The following PRDM16 variants were observed in gnomAD, a reference collection of about 807,000 sequenced individuals.
PRDM16 encodes the protein PR/SET domain 16.
A neutral mutation model predicts 110.6 loss-of-function variants in PRDM16; 23 were observed. The ratio of observed to expected loss-of-function variants is 0.21; its 90% CI spans 0.15 to 0.29. PRDM16 has a LOEUF of 0.29. Ranked by LOEUF, PRDM16 falls within the 10% of genes least tolerant of loss-of-function variation. PRDM16 has a pLI of 1.00. For missense variants in PRDM16, 1,615 were observed against 1,794.3 expected (o/e 0.90, Z 1.81); for synonymous variants, 799 against 781.8 (o/e 1.02, Z -0.37).
chr1:3,311,758 C>T (rs1641465880), intron 3 of PRDM16, among the ~76,000 whole-genome samples: 1 of 152,196 alleles, frequency 6.6e-6, no homozygotes, highest in Non-Finnish European at 1.5e-5. Context: ...CCATCTGCCT[C>T]CTTCCCCAAG....
At chr1:3,360,254 G>A (rs1557632284) in intron 3 of PRDM16, among the ~76,000 whole-genome samples, 1 of 152,202 alleles carries the variant, frequency 6.6e-6, no homozygotes, top group Non-Finnish European at 1.5e-5. Flanking sequence ...GTCCCCTCTA[G>A]AAGCAGCGGA....
chr1:3,246,142 C>T lies in PRDM16; in HGVS notation c.438+2005C>T, dbSNP rs141449791. On this transcript the variant is annotated intron_variant, in intron 3 of 16. Transcript: ENST00000270722. This position sits in a 1 kb window ranked among gnomAD's most constrained non-coding sequence, Gnocchi z 5.2. ...TAGGACAGAAGGAGGGTGAAGTGGG[C>T]GCCGCCTTCTGTGCCTCTGGGCCAC... is the stretch of plus-strand genomic sequence containing the variant. Among the ~76,000 whole-genome samples the T allele has an allele frequency of 1.3e-4, 20 of 152,236 alleles. No homozygotes were observed. In the East Asian group the frequency reaches 3.7e-3, roughly 28 times the overall value.
At chr1:3,179,287 G>A (rs903085083) in intron 1 of PRDM16, among the ~76,000 whole-genome samples, 3 of 152,260 alleles carry the variant, frequency 2.0e-5, no homozygotes, top group Admixed American at 6.5e-5. Context: ...CAGAGCGCTT[G>A]TGCCCCAGGG....
At chr1:3,301,036 C>A (rs907743554) in intron 3 of PRDM16, among the ~76,000 whole-genome samples, 1 of 152,136 alleles carries the variant, frequency 6.6e-6, no homozygotes, top group African/African-American at 2.4e-5. Flanking sequence ...AAGTGAGGTT[C>A]AAGAAATGTT....
chr1:3,279,728 G>C (rs1239767360), intron 3 of PRDM16, among the ~76,000 whole-genome samples: 1 of 152,174 alleles, frequency 6.6e-6, no homozygotes, highest in Non-Finnish European at 1.5e-5. Context: ...GAGGAAGGAA[G>C]GCAGGACAAA....
intron 14 of PRDM16, among the ~76,000 whole-genome samples, chr1:3,430,330 A>G (rs1638731336): frequency 6.6e-6 from 1 of 152,146 alleles, no homozygotes; most frequent in Admixed American, 6.5e-5. Flanking sequence ...GAGTCCCCCC[A>G]CAGGCTCCGA....
chr1:3,126,648 C>T (rs537061791), intron 1 of PRDM16, among the ~76,000 whole-genome samples: 2 of 152,286 alleles, frequency 1.3e-5, no homozygotes, highest in South Asian at 4.1e-4. Flanking sequence ...GAGCCTCCAG[C>T]CCTGGGCTCT....
At chr1:3,355,684 CCT>C (rs1446157430) in intron 3 of PRDM16, among the ~76,000 whole-genome samples, 1 of 152,194 alleles carries the variant, frequency 6.6e-6, no homozygotes, top group Non-Finnish European at 1.5e-5. Context: ...ACCCTCAGCA[CCT>C]CTCAGACCAC....
intron 3 of PRDM16, among the ~76,000 whole-genome samples, chr1:3,267,405 C>A (rs974016939): frequency 4.6e-5 from 7 of 152,318 alleles, no homozygotes; most frequent in South Asian, 4.2e-4. Flanking sequence ...CCTTTTCTAT[C>A]CACTCGTCCC....
chr1:3,264,472 G>T (rs780478706), intron 3 of PRDM16, among the ~76,000 whole-genome samples: 1 of 145,324 alleles, frequency 6.9e-6, no homozygotes, highest in Admixed American at 6.9e-5. Flanking sequence ...AGCATCCGAG[G>T]ACCCTAGGCC....
At position 3,244,287 on chromosome 1, in the gene PRDM16, C is replaced by T. The variant is rs901601915; in HGVS notation, c.438+150C>T. 83 of 733,506 alleles carry T rather than the reference C, an allele frequency of 1.1e-4. No individual in the cohort carries two copies. Among genetic ancestry groups the T allele is most frequent in the African/African-American group, 1.1e-3 (62 of 57,700 alleles). The allele number at this position is 733,506 out of a possible 1,614,324, so 45.4% of individuals were successfully genotyped here. ...GAGCAATGTGTTATCTGTGGACTGA[C>T]GTGTGCACAGGACGGTGGCTTTGCT... On this transcript the variant is annotated intron_variant, in intron 3 of 16. Transcript: ENST00000270722. The surrounding 1 kb of genome is among the most constrained non-coding windows in gnomAD (Gnocchi z 4.1).
At chr1:3,230,986 C>T (rs570253109) in intron 2 of PRDM16, among the ~76,000 whole-genome samples, 71 of 152,250 alleles carry the variant, frequency 4.7e-4, no homozygotes, top group African/African-American at 1.3e-3. Flanking sequence ...GGCTCGTCCC[C>T]GCCTCTCTGC....
intron 1 of PRDM16, among the ~76,000 whole-genome samples, chr1:3,096,733 TG>T (rs1315155248): frequency 6.6e-6 from 1 of 152,028 alleles, no homozygotes; most frequent in African/African-American, 2.4e-5. Flanking sequence ...GGGTGGATGG[TG>T]AGTGGGCCCT....
chr1:3,417,839 A>G lies in PRDM16; in HGVS notation c.2703A>G (p.Ile901Met). 6.2e-7 allele frequency: 1 copy of G among 1,613,650 alleles called. No individual in the cohort carries two copies. Among genetic ancestry groups the G allele is most frequent in the South Asian group, 1.1e-5 (1 of 91,054 alleles). Reference protein sequence around the residue: ...PLLFHPQMSAIETMTEKLESF... With the variant: ...PLLFHPQMSAMETMTEKLESF... ...TCTTATGCCTACAGATGTCAGCCATAGAGACCATGACAGAGAAGCTGGAGA... is the reference window on the plus strand; with the variant it reads ...TCTTATGCCTACAGATGTCAGCCATGGAGACCATGACAGAGAAGCTGGAGA... Residue 901 changes from isoleucine to methionine, a missense_variant, in exon 11 of 17, where the codon ATA (isoleucine) becomes ATG (methionine). Coordinates refer to ENST00000270722, the MANE Select transcript of PRDM16 (RefSeq NM_022114.4).
intron 3 of PRDM16, among the ~76,000 whole-genome samples, chr1:3,262,641 G>T (rs1640187693): frequency 6.6e-6 from 1 of 152,200 alleles, no homozygotes; most frequent in South Asian, 2.1e-4. Flanking sequence ...GGGAAGGGGT[G>T]CAGCTTGAAA....
intron 3 of PRDM16, among the ~76,000 whole-genome samples, chr1:3,313,631 CG>C (rs1641520087): frequency 6.6e-6 from 1 of 152,360 alleles, no homozygotes; most frequent in Admixed American, 6.5e-5. Context: ...CGAGGCCGTG[CG>C]GACCCCGCTC....
chr1:3,258,228 G>A (rs1371333981), intron 3 of PRDM16, among the ~76,000 whole-genome samples: 1 of 152,156 alleles, frequency 6.6e-6, no homozygotes, highest in Non-Finnish European at 1.5e-5. Flanking sequence ...CCTGTACTTT[G>A]CAGATTCTGA....
intron 1 of PRDM16, among the ~76,000 whole-genome samples, chr1:3,091,175 C>T (rs575432638): frequency 2.6e-4 from 39 of 152,282 alleles, no homozygotes; most frequent in African/African-American, 8.4e-4. Context: ...AAGGAGCCAC[C>T]GACCAATAGC....
At chr1:3,251,683 G>A (rs55987640) in intron 3 of PRDM16, among the ~76,000 whole-genome samples, 65,711 of 152,090 alleles carry the variant, frequency 0.43, 16,132 homozygotes, top group East Asian at 0.59. Context: ...GCAAGGGGAG[G>A]CCGTGCAGAC....
Sources: gnomAD v4.1 joint callset for allele counts (sites outside exome capture counted in the v4.1 genomes callset) on GRCh38, gnomAD v4.1.1 for gene constraint, Gnocchi (gnomAD v3.1) non-coding constraint, MANE v1.5 for transcripts, NCBI Gene and HGNC (gene_info 2026-07-23, HGNC 2026-07-21) for gene names.